Variants in ST8SIA2 observed in about 807,000 individuals in gnomAD.
ST8SIA2 encodes the protein ST8 alpha-N-acetyl-neuraminide alpha-2,8-sialyltransferase 2.
Under a neutral mutation model 37.6 loss-of-function variants are expected in ST8SIA2, and 22 were observed. The ratio of observed to expected loss-of-function variants is 0.58; its 90% CI spans 0.42 to 0.83. ST8SIA2 has a LOEUF of 0.83. Among genes scored for constraint, ST8SIA2 ranks in the 40% least tolerant of loss-of-function variants. The probability of loss-of-function intolerance (pLI) is 0.00; values close to 1 mark genes in which losing one functional copy is unlikely to be tolerated. For missense variants in ST8SIA2, 382 were observed against 484.7 expected (o/e 0.79, Z 1.99); for synonymous variants, 205 against 201.2 (o/e 1.02, Z -0.16).
chr15:92,408,236 G>A (rs1049895502), intron 1 of ST8SIA2, among the ~76,000 whole-genome samples: 5 of 151,930 alleles, frequency 3.3e-5, no homozygotes, highest in African/African-American at 4.8e-5. Flanking sequence ...GAGAGGGGAG[G>A]ATGCCTTAGG....
At chr15:92,434,095 A>C in intron 2 of ST8SIA2, 152 bp from the exon 3 acceptor site, 1 of 1,054,024 alleles carries the variant, frequency 9.5e-7, no homozygotes, top group East Asian at 2.4e-5. Flanking sequence ...ACTGGAAGAT[A>C]AATAGACTTC....
At chr15:92,437,534 C>T (rs764066135) in intron 3 of ST8SIA2, among the ~76,000 whole-genome samples, 8 of 152,132 alleles carry the variant, frequency 5.3e-5, no homozygotes, top group Non-Finnish European at 1.2e-4. Context: ...AGCCCTTCTC[C>T]GTGGAACTGG....
At position 92,461,242 on chromosome 15, in the gene ST8SIA2, C is replaced by T. The variant is rs376983434; in HGVS notation, c.843-2858C>T. Among the ~76,000 whole-genome samples the T allele has an allele frequency of 1.9e-4, 29 of 152,262 alleles. No homozygotes were observed. The East Asian group carries it at 3.5e-3, about 18-fold the overall frequency. ...CCACCCATAGTCTGCCCCTCACATT[C>T]CCAGAACTTCTTGGGGACTGGTACC... On this transcript the variant is annotated intron_variant, in intron 5 of 5. Transcript: ENST00000268164.
In ST8SIA2 at chr15:92,432,381, C is replaced by T. The variant is rs2049722425; in HGVS notation, c.162-1866C>T. ...CAGCAATGCCAGCTCCTGCTAGAGC[C>T]TCATGAGGTGGCAGCCAGTGGGGCA... On this transcript the variant is annotated intron_variant, in intron 2 of 5. Coordinates refer to ENST00000268164, the MANE Select transcript of ST8SIA2 (RefSeq NM_006011.4). Among the ~76,000 whole-genome samples, 6 of 152,300 alleles carry T rather than the reference C, an allele frequency of 3.9e-5. No homozygotes were observed. In the South Asian group the frequency reaches 1.2e-3, roughly 32 times the overall value.
chr15:92,431,938 G>C (rs1439066286), intron 2 of ST8SIA2, among the ~76,000 whole-genome samples: 1 of 152,160 alleles, frequency 6.6e-6, no homozygotes, highest in East Asian at 1.9e-4. Context: ...ACCCACACCA[G>C]CATTTATCTC....
chr15:92,424,359 C>T (rs941142743), intron 1 of ST8SIA2, among the ~76,000 whole-genome samples: 4 of 152,048 alleles, frequency 2.6e-5, no homozygotes, highest in Non-Finnish European at 5.9e-5. Context: ...CATAAATATA[C>T]ACAGTTACGA....
chr15:92,433,509 G>C lies in ST8SIA2; in HGVS notation c.162-738G>C, dbSNP rs189220419. 3.3e-5 allele frequency among the ~76,000 whole-genome samples: 5 copies of C among 152,300 alleles called. No homozygotes were observed. The East Asian group carries it at 7.7e-4, about 24-fold the overall frequency. ...TGGTGTTCCTGAGTCAGATGGAAAGGGGGTGTTTACCCAGAATCGTGATCC... is the reference window on the plus strand; with the variant it reads ...TGGTGTTCCTGAGTCAGATGGAAAGCGGGTGTTTACCCAGAATCGTGATCC... On this transcript the variant is annotated intron_variant, in intron 2 of 5. Coordinates refer to ENST00000268164, the MANE Select transcript of ST8SIA2 (RefSeq NM_006011.4).
intron 1 of ST8SIA2, among the ~76,000 whole-genome samples, chr15:92,400,302 C>G (rs886789309): frequency 6.6e-6 from 1 of 152,172 alleles, no homozygotes; most frequent in African/African-American, 2.4e-5. Context: ...TTTATTTATC[C>G]TTTATCTCCA....
chr15:92,437,903 A>C (rs1244171074), intron 3 of ST8SIA2, among the ~76,000 whole-genome samples: 1 of 152,088 alleles, frequency 6.6e-6, no homozygotes, highest in Admixed American at 6.5e-5. Context: ...ATGGCCCTAA[A>C]TCCCCCTAAG....
chr15:92,434,834 C>G (rs2049744481), intron 3 of ST8SIA2, among the ~76,000 whole-genome samples: 1 of 152,204 alleles, frequency 6.6e-6, no homozygotes, highest in Admixed American at 6.5e-5. Context: ...TCCCTAACAA[C>G]GTGAAAATGA....
chr15:92,400,761 G>T (rs1401829602), intron 1 of ST8SIA2, among the ~76,000 whole-genome samples: 2 of 152,108 alleles, frequency 1.3e-5, no homozygotes, highest in African/African-American at 4.8e-5. Context: ...GCCCCCTCCT[G>T]CCTGGAAGGA....
At chr15:92,399,077 A>G (rs1374104933) in intron 1 of ST8SIA2, among the ~76,000 whole-genome samples, 1 of 152,162 alleles carries the variant, frequency 6.6e-6, no homozygotes, top group Non-Finnish European at 1.5e-5. Flanking sequence ...CTGTTACACA[A>G]GGTCACCTGC....
chr15:92,445,435 A>C (rs1165280085), intron 5 of ST8SIA2, among the ~76,000 whole-genome samples: 2 of 152,220 alleles, frequency 1.3e-5, no homozygotes, highest in Non-Finnish European at 2.9e-5. Flanking sequence ...ATGCGTAGTA[A>C]AATTGCGGTA....
intron 5 of ST8SIA2, among the ~76,000 whole-genome samples, chr15:92,445,825 G>A (rs2049838317): frequency 6.6e-6 from 1 of 152,206 alleles, no homozygotes; most frequent in Admixed American, 6.5e-5. Context: ...CAACCTGGAT[G>A]GCATTCTTAA....
At chr15:92,404,113 T>C (rs2049490140) in intron 1 of ST8SIA2, among the ~76,000 whole-genome samples, 1 of 152,204 alleles carries the variant, frequency 6.6e-6, no homozygotes, top group South Asian at 2.1e-4. Context: ...CTCACTTAGG[T>C]ATTCATCATA....
chr15:92,416,487 C>T (rs1364943888), intron 1 of ST8SIA2, among the ~76,000 whole-genome samples: 1 of 152,094 alleles, frequency 6.6e-6, no homozygotes, highest in African/African-American at 2.4e-5. Context: ...GGCACACTCA[C>T]ACCAACCCCA....
At chr15:92,409,420 C>T (rs2049533293) in intron 1 of ST8SIA2, among the ~76,000 whole-genome samples, 1 of 152,098 alleles carries the variant, frequency 6.6e-6, no homozygotes, top group South Asian at 2.1e-4. Context: ...ATCAGAGTCC[C>T]ATTGTGTAGT....
At chr15:92,414,169 C>T (rs994260629) in intron 1 of ST8SIA2, among the ~76,000 whole-genome samples, 1 of 152,212 alleles carries the variant, frequency 6.6e-6, no homozygotes, top group African/African-American at 2.4e-5. Context: ...AAAGCACAGG[C>T]CCAGAACTGC....
chr15:92,430,669 G>A (rs561337947), intron 2 of ST8SIA2, among the ~76,000 whole-genome samples: 6 of 152,332 alleles, frequency 3.9e-5, no homozygotes, highest in South Asian at 2.1e-4. Context: ...GCAGGACAGC[G>A]TGCAAACCCA....
Sources: gnomAD v4.1 joint callset for allele counts (sites outside exome capture counted in the v4.1 genomes callset) on GRCh38, gnomAD v4.1.1 for gene constraint, MANE v1.5 for transcripts, NCBI Gene and HGNC (gene_info 2026-07-23, HGNC 2026-07-21) for gene names.